Variants in DCDC1 observed in about 807,000 individuals in gnomAD.
The protein encoded by DCDC1 is doublecortin domain-containing protein 1.
In DCDC1, 200 loss-of-function variants were observed where a neutral mutation model predicts 178.3. The observed-to-expected ratio is 1.12, with a 90% CI of 1.00 to 1.26. The LOEUF is 1.26. Ranked by LOEUF, DCDC1 falls within the 50% of genes most tolerant of loss-of-function variation. The pLI is 0.00. For synonymous variants in DCDC1, 690 were observed against 604.8 expected, an observed-to-expected ratio of 1.14 and a Z score of -2.07; for missense variants, 1,983 against 1,749.2, an observed-to-expected ratio of 1.13 and a Z score of -2.38.
chr11:31,222,759 CT>C (rs1405478410), intron 9 of DCDC1, among the ~76,000 whole-genome samples: 1 of 152,098 alleles, frequency 6.6e-6, no homozygotes, highest in East Asian at 1.9e-4. Flanking sequence ...AGAGTGTATG[CT>C]CTCTGGTGTC....
At chr11:31,015,950 G>T (rs1952463533) in intron 20 of DCDC1, among the ~76,000 whole-genome samples, 1 of 152,144 alleles carries the variant, frequency 6.6e-6, no homozygotes, top group East Asian at 1.9e-4. Flanking sequence ...AGGTCAAAAT[G>T]ATACCATAAA....
At chr11:31,232,630 C>G (rs1975926237) in intron 9 of DCDC1, among the ~76,000 whole-genome samples, 1 of 152,142 alleles carries the variant, frequency 6.6e-6, no homozygotes. Flanking sequence ...ATAAAACATG[C>G]CTTACATTTG....
At chr11:30,944,774 T>C (rs1322690043) in intron 21 of DCDC1, among the ~76,000 whole-genome samples, 1 of 152,126 alleles carries the variant, frequency 6.6e-6, no homozygotes, top group Non-Finnish European at 1.5e-5. Flanking sequence ...CTTTAGCTAC[T>C]GTAGTGCCTT....
intron 1 of DCDC1, among the ~76,000 whole-genome samples, chr11:31,339,356 C>T (rs887125124): frequency 2.6e-5 from 4 of 152,182 alleles, no homozygotes; most frequent in African/African-American, 9.7e-5. Flanking sequence ...AGGCACTCAC[C>T]AGACACTGCT....
At chr11:30,932,849 G>A (rs1204366717) in intron 21 of DCDC1, among the ~76,000 whole-genome samples, 1 of 152,140 alleles carries the variant, frequency 6.6e-6, no homozygotes, top group East Asian at 1.9e-4. Context: ...AGGAGGCAAG[G>A]GGGTTTCCAA....
intron 7 of DCDC1, among the ~76,000 whole-genome samples, chr11:31,265,901 TTATTATC>T (rs950943281): frequency 1.3e-4 from 20 of 148,690 alleles, no homozygotes; most frequent in African/African-American, 4.9e-4. Context: ...CTATTATTTA[TTATTATC>T]TATTATCTAT....
intron 9 of DCDC1, among the ~76,000 whole-genome samples, chr11:31,213,313 G>T (rs1353638609): frequency 1.3e-5 from 2 of 151,682 alleles, no homozygotes; most frequent in Non-Finnish European, 2.9e-5. Context: ...CTTATCATTG[G>T]TAAGTAGAGA....
chr11:31,012,128 G>A (rs769456254), intron 20 of DCDC1, among the ~76,000 whole-genome samples: 2 of 152,130 alleles, frequency 1.3e-5, no homozygotes, highest in Non-Finnish European at 2.9e-5. Flanking sequence ...ATGATTATAA[G>A]TTTCCTGAGG....
At position 30,915,496 on chromosome 11, in the gene DCDC1, A is replaced by G. The variant is rs2134204325; in HGVS notation, c.3653+15T>C. 1.2e-6 allele frequency: 2 copies of G among 1,613,626 alleles called. No individual in the cohort carries two copies. Among genetic ancestry groups the G allele is most frequent in the South Asian group, 1.1e-5 (1 of 91,054 alleles). On this transcript the variant is annotated intron_variant, in intron 27 of 38. Transcript: ENST00000684477. ...TCACCTTTTGATATAGTAAACCCAA[A>G]TATAATGGGATTACCTGCTGTCTTC... is the stretch of plus-strand genomic sequence containing the variant.
At chr11:31,285,691 C>T (rs1946770648) in intron 7 of DCDC1, among the ~76,000 whole-genome samples, 1 of 152,008 alleles carries the variant, frequency 6.6e-6, no homozygotes, top group Non-Finnish European at 1.5e-5. Context: ...GGCTTAAAGG[C>T]ATCTGATAAA....
At chr11:31,240,401 C>A (rs183232043) in intron 9 of DCDC1, among the ~76,000 whole-genome samples, 1 of 151,852 alleles carries the variant, frequency 6.6e-6, no homozygotes, top group African/African-American at 2.4e-5. Flanking sequence ...ACACATTTTG[C>A]GAAGTTTTCT....
chr11:31,329,897 T>C lies in DCDC1; in HGVS notation c.-6-1611A>G, dbSNP rs185889404. 1.0e-3 allele frequency among the ~76,000 whole-genome samples: 154 copies of C among 152,328 alleles called. 1 individual carries two copies. The highest frequency in any genetic ancestry group is 3.4e-3 in the African/African-American group (142 of 41,576). On this transcript the variant is annotated intron_variant, in intron 2 of 38. Coordinates refer to ENST00000684477, the MANE Select transcript of DCDC1 (RefSeq NM_001387274.1). ...GTCTTTATAGCAGCATGATTTATAATCCTTTGGGTATATACCCAGTAATGG... is the reference window on the plus strand; with the variant it reads ...GTCTTTATAGCAGCATGATTTATAACCCTTTGGGTATATACCCAGTAATGG...
At chr11:31,063,792 T>C (rs1227274063) in intron 20 of DCDC1, among the ~76,000 whole-genome samples, 2 of 152,194 alleles carry the variant, frequency 1.3e-5, no homozygotes, top group African/African-American at 2.4e-5. Context: ...AAGAATTATA[T>C]GGCTCCTTTA....
intron 35 of DCDC1, 123 bp from the exon 36 acceptor site, chr11:30,893,120 G>T (rs1943923339): frequency 9.0e-7 from 1 of 1,115,448 alleles, no homozygotes; most frequent in Non-Finnish European, 1.2e-6. Flanking sequence ...ATTTTAGGAA[G>T]TAACTATTAA....
chr11:30,876,719 A>G (rs1942161526), intron 38 of DCDC1, among the ~76,000 whole-genome samples: 1 of 152,186 alleles, frequency 6.6e-6, no homozygotes, highest in South Asian at 2.1e-4. Flanking sequence ...TGCCATTTTC[A>G]TAGCAAATCA....
At chr11:31,296,865 C>T (rs1483768742) in intron 6 of DCDC1, among the ~76,000 whole-genome samples, 1 of 152,078 alleles carries the variant, frequency 6.6e-6, no homozygotes, top group African/African-American at 2.4e-5. Flanking sequence ...GGGGGACCAC[C>T]CCCATGATCT....
At chr11:31,156,716 A>G (rs1170847296) in intron 9 of DCDC1, among the ~76,000 whole-genome samples, 1 of 152,196 alleles carries the variant, frequency 6.6e-6, no homozygotes, top group Non-Finnish European at 1.5e-5. Flanking sequence ...CAGTCTGGGC[A>G]TGTATAAATA....
rs376575616 is a variant in DCDC1 at position 31,180,946 on chromosome 11, G to A, written c.1222-43162C>T. 6.8e-4 allele frequency among the ~76,000 whole-genome samples: 103 copies of A among 152,276 alleles called. 3 individuals carry two copies. In the South Asian group the frequency reaches 0.018, roughly 26 times the overall value. ...GCAGATCCCACCGCCACGGAGCCCA[G>A]CAAGCTAAGATCCACTGGTTTGAAA... On this transcript the variant is annotated intron_variant, in intron 9 of 38. Coordinates refer to ENST00000684477, the MANE Select transcript of DCDC1 (RefSeq NM_001387274.1).
At chr11:31,011,795 A>C (rs1952185911) in intron 20 of DCDC1, among the ~76,000 whole-genome samples, 1 of 152,262 alleles carries the variant, frequency 6.6e-6, no homozygotes, top group Admixed American at 6.5e-5. Flanking sequence ...TTGTAAAATT[A>C]TTCAGTAAGT....
Sources: gnomAD v4.1 joint callset for allele counts (sites outside exome capture counted in the v4.1 genomes callset) on GRCh38, gnomAD v4.1.1 for gene constraint, MANE v1.5 for transcripts, NCBI Gene and HGNC (gene_info 2026-07-23, HGNC 2026-07-21) for gene names.